ZFHX4: variants seen among roughly 807,000 people sequenced by gnomAD.
ZFHX4 encodes zinc finger homeobox protein 4.
A neutral mutation model predicts 267.6 loss-of-function variants in ZFHX4; 56 were observed. That is an observed-to-expected ratio of 0.21 (90% CI 0.17 to 0.26). ZFHX4 has a LOEUF of 0.26. Ranked by LOEUF, ZFHX4 falls within the 10% of genes least tolerant of loss-of-function variation. The pLI, the probability that ZFHX4 is intolerant of heterozygous loss-of-function variation, is 1.00. For synonymous variants in ZFHX4, 1,778 were observed against 1,665.6 expected, an observed-to-expected ratio of 1.07 and a Z score of -1.64; for missense variants, 4,332 against 4,420.0, an observed-to-expected ratio of 0.98 and a Z score of 0.56.
intron 1 of ZFHX4, among the ~76,000 whole-genome samples, chr8:76,697,374 TTAA>T (rs1303924118): frequency 3.3e-5 from 5 of 152,020 alleles, no homozygotes; most frequent in African/African-American, 9.7e-5. Flanking sequence ...TATATATAAC[TTAA>T]TAAAACCAAT....
At chr8:76,777,399 T>G (rs1810427078) in intron 3 of ZFHX4, among the ~76,000 whole-genome samples, 1 of 152,130 alleles carries the variant, frequency 6.6e-6, no homozygotes. Flanking sequence ...TGTGGGTCAC[T>G]GTGAATGGTA....
intron 4 of ZFHX4, among the ~76,000 whole-genome samples, chr8:76,816,303 A>T (rs1480211644): frequency 6.6e-6 from 1 of 152,192 alleles, no homozygotes; most frequent in Non-Finnish European, 1.5e-5. Flanking sequence ...TTGATAGAAC[A>T]TTTTTTTAAA....
At chr8:76,794,845 A>C (rs2131813497) in intron 4 of ZFHX4, among the ~76,000 whole-genome samples, 1 of 151,924 alleles carries the variant, frequency 6.6e-6, no homozygotes, top group Non-Finnish European at 1.5e-5. Flanking sequence ...TAAAATGGAT[A>C]GAGATGGAGA....
intron 10 of ZFHX4, among the ~76,000 whole-genome samples, chr8:76,858,123 G>A (rs1209064620): frequency 2.0e-5 from 3 of 152,126 alleles, no homozygotes; most frequent in African/African-American, 4.8e-5. Context: ...GCCTTTGTTC[G>A]GACAGTGGTC....
At chr8:76,790,866 C>T (rs1810817335) in intron 4 of ZFHX4, among the ~76,000 whole-genome samples, 1 of 152,080 alleles carries the variant, frequency 6.6e-6, no homozygotes, top group Non-Finnish European at 1.5e-5. Context: ...TTTGAGTTTC[C>T]ATCCAGCCTT....
At chr8:76,824,999 G>A (rs1022380602) in intron 4 of ZFHX4, among the ~76,000 whole-genome samples, 7 of 152,106 alleles carry the variant, frequency 4.6e-5, no homozygotes, top group Non-Finnish European at 7.4e-5. Flanking sequence ...TTAAGAAATC[G>A]ATGTTTAGTC....
chr8:76,842,293 C>T (rs1030719833), intron 5 of ZFHX4, among the ~76,000 whole-genome samples: 8 of 151,974 alleles, frequency 5.3e-5, no homozygotes, highest in Non-Finnish European at 1.0e-4. Context: ...TGACATCTAT[C>T]CCAGTCTATG....
chr8:76,685,002 C>A (rs1191841718), intron 1 of ZFHX4, among the ~76,000 whole-genome samples: 1 of 152,132 alleles, frequency 6.6e-6, no homozygotes, highest in Non-Finnish European at 1.5e-5. Flanking sequence ...TTGTTGATTG[C>A]AAGGGTTTAA....
chr8:76,728,984 C>A (rs528261259), intron 3 of ZFHX4, among the ~76,000 whole-genome samples: 1 of 152,202 alleles, frequency 6.6e-6, no homozygotes, highest in South Asian at 2.1e-4. Context: ...TACCTCATTG[C>A]CTATGGTAAT....
intron 3 of ZFHX4, among the ~76,000 whole-genome samples, chr8:76,716,183 T>C (rs1563480633): frequency 1.3e-5 from 2 of 152,136 alleles, no homozygotes; most frequent in African/African-American, 4.8e-5. Flanking sequence ...CATTTATCGA[T>C]AGAGTTGGCA....
At chr8:76,795,886 C>T (rs1173795749) in intron 4 of ZFHX4, among the ~76,000 whole-genome samples, 2 of 152,076 alleles carry the variant, frequency 1.3e-5, no homozygotes, top group East Asian at 3.9e-4. Flanking sequence ...GTTCAATTTT[C>T]ATGGAATATA....
intron 4 of ZFHX4, among the ~76,000 whole-genome samples, chr8:76,821,062 A>C (rs1585979115): frequency 6.6e-6 from 1 of 152,078 alleles, no homozygotes; most frequent in African/African-American, 2.4e-5. Context: ...GATAAGCCCT[A>C]GTCTCAATTT....
At chr8:76,761,967 G>C (rs534131416) in intron 3 of ZFHX4, among the ~76,000 whole-genome samples, 35 of 152,250 alleles carry the variant, frequency 2.3e-4, no homozygotes, top group African/African-American at 8.4e-4. Context: ...AAAATTGAAA[G>C]GTCATTTGGA....
chr8:76,714,961 A>G lies in ZFHX4; in HGVS notation c.3093+6913A>G, dbSNP rs546419858. Among the ~76,000 whole-genome samples the G allele has an allele frequency of 1.1e-4, 17 of 152,304 alleles. 1 individual carries two copies. In the South Asian group the frequency reaches 3.5e-3, roughly 32 times the overall value. On this transcript the variant is annotated intron_variant, in intron 3 of 10. Coordinates refer to ENST00000651372, the MANE Select transcript of ZFHX4 (RefSeq NM_024721.5). ...CAGCAATGTTTAGTCAAAGGGCTGC[A>G]TGTGAGTGGTCTTTTGAGTCATCAG...
chr8:76,782,981 A>G (rs895879949), intron 4 of ZFHX4, among the ~76,000 whole-genome samples: 5 of 151,974 alleles, frequency 3.3e-5, no homozygotes, highest in Admixed American at 2.6e-4. Flanking sequence ...TTTTACATAT[A>G]TCTTGCTAGA....
intron 1 of ZFHX4, among the ~76,000 whole-genome samples, chr8:76,695,021 T>C (rs1230341700): frequency 6.6e-6 from 1 of 151,912 alleles, no homozygotes; most frequent in Admixed American, 6.6e-5. Context: ...GAGACATTTT[T>C]GTGCTGGGAG....
In ZFHX4 at chr8:76,853,654, T is replaced by C; in HGVS notation, c.6733T>C (p.Phe2245Leu). The change falls in exon 10 of 11, where the codon TTT becomes CTT. Residue 2245 changes from phenylalanine (F) to leucine (L), a missense_variant. Around this residue, in one of 7 missense-constraint regions of ZFHX4, gnomAD observed 62 missense variants for 69.8 expected, o/e 0.89. Coordinates refer to ENST00000651372, the MANE Select transcript of ZFHX4 (RefSeq NM_024721.5). Reference sequence around the variant, plus strand: ...CCAGCTTAGGGTTCTGCAAGACTTTTTTGACACAAACGCTTACCCAAAAGA... The same window carrying C: ...CCAGCTTAGGGTTCTGCAAGACTTTCTTGACACAAACGCTTACCCAAAAGA... ...DYQLRVLQDF[F>L]DTNAYPKDDE... The C allele has an allele frequency of 1.2e-6, 2 of 1,613,754 alleles. No homozygotes were observed. Among genetic ancestry groups the C allele is most frequent in the Non-Finnish European group, 1.7e-6 (2 of 1,179,818 alleles).
At chr8:76,792,918 G>A (rs1399281797) in intron 4 of ZFHX4, among the ~76,000 whole-genome samples, 1 of 152,140 alleles carries the variant, frequency 6.6e-6, no homozygotes, top group African/African-American at 2.4e-5. Context: ...GTTCCTTTGA[G>A]TTGAGCACTG....
At chr8:76,823,199 A>G (rs1811700388) in intron 4 of ZFHX4, among the ~76,000 whole-genome samples, 1 of 151,768 alleles carries the variant, frequency 6.6e-6, no homozygotes, top group Non-Finnish European at 1.5e-5. Context: ...CATCCCACAG[A>G]AGAAAATATG....
Sources: allele counts gnomAD v4.1 joint callset (sites outside exome capture counted in the v4.1 genomes callset), GRCh38; gene constraint gnomAD v4.1.1; regional missense constraint gnomAD v4.1.1; transcripts MANE v1.5; gene names NCBI Gene and HGNC (gene_info 2026-07-23, HGNC 2026-07-21).